The following TAFA1 variants were observed in gnomAD, a reference collection of about 807,000 sequenced individuals.
The protein encoded by TAFA1 is chemokine-like protein TAFA-1.
Under a neutral mutation model 18.5 loss-of-function variants are expected in TAFA1, and 4 were observed. The observed-to-expected ratio is 0.22, with a 90% CI of 0.11 to 0.49. TAFA1 has a LOEUF of 0.49. Ranked by LOEUF, TAFA1 falls within the 20% of genes least tolerant of loss-of-function variation. The pLI is 0.98. For synonymous variants in TAFA1, 56 were observed against 55.2 expected (o/e 1.01, Z -0.06); for missense variants, 147 against 169.0 (o/e 0.87, Z 0.72).
At chr3:68,451,735 C>G (rs1320960956) in intron 3 of TAFA1, among the ~76,000 whole-genome samples, 1 of 152,196 alleles carries the variant, frequency 6.6e-6, no homozygotes, top group South Asian at 2.1e-4. Context: ...ATGAGACTCT[C>G]TCCACATCAT....
intron 3 of TAFA1, among the ~76,000 whole-genome samples, chr3:68,418,703 T>C (rs1421378243): frequency 6.6e-6 from 1 of 152,136 alleles, no homozygotes; most frequent in African/African-American, 2.4e-5. Context: ...CTTACTGTAT[T>C]CCAGATACCA....
chr3:68,381,771 C>T (rs960638817), intron 2 of TAFA1, among the ~76,000 whole-genome samples: 1 of 151,970 alleles, frequency 6.6e-6, no homozygotes, highest in Non-Finnish European at 1.5e-5. Context: ...TTTCCTTCTG[C>T]TGCCTGATTG....
chr3:68,027,120 A>G (rs903353330), intron 2 of TAFA1, among the ~76,000 whole-genome samples: 4 of 152,116 alleles, frequency 2.6e-5, no homozygotes, highest in Admixed American at 6.5e-5. Flanking sequence ...GCATGATCCA[A>G]TCACCTCCCA....
Position 68,528,160 on chromosome 3 carries a change from A to G in TAFA1, c.260-10596A>G, listed in dbSNP as rs530778198. ...GCATACAGAGCTGGATAATAAACAC[A>G]TGGATAAATAATAGTGATAACTGCC... On this transcript the variant is annotated intron_variant, in intron 3 of 4. Coordinates refer to ENST00000478136, the MANE Select transcript of TAFA1 (RefSeq NM_213609.4). Among the ~76,000 whole-genome samples the G allele has an allele frequency of 2.0e-5, 3 of 152,334 alleles. No homozygotes were observed. In the South Asian group the frequency reaches 6.2e-4, roughly 32 times the overall value.
rs1175174572 is a variant in TAFA1 at position 68,231,344 on chromosome 3, A to ATTTTTTTT, written c.119-185916_119-185909dup. 2.8e-4 allele frequency among the ~76,000 whole-genome samples: 22 copies of ATTTTTTTT among 79,878 alleles called. 1 individual carries two copies. The highest frequency in any genetic ancestry group is 4.2e-4 in the Admixed American group (3 of 7,124). 52.4% of individuals were successfully genotyped at this position (79,878 alleles called of 152,430 possible). On this transcript the variant is annotated intron_variant, in intron 2 of 4. Coordinates refer to ENST00000478136, the MANE Select transcript of TAFA1 (RefSeq NM_213609.4). Reference sequence around the variant, plus strand: ...ATCTACCCATGCTTTAATCTATTTGATTTTTTTTTTTTTTTTTTTTTTTTT... The same window carrying ATTTTTTTT: ...ATCTACCCATGCTTTAATCTATTTGATTTTTTTTTTTTTTTTTTTTTTTTTTTTTTTTT...
intron 3 of TAFA1, among the ~76,000 whole-genome samples, chr3:68,501,029 C>T (rs930448405): frequency 1.3e-5 from 2 of 151,828 alleles, no homozygotes; most frequent in Non-Finnish European, 1.5e-5. Flanking sequence ...GTGGCAAGCG[C>T]CTATAGTCCC....
chr3:68,046,884 T>C (rs2064393069), intron 2 of TAFA1, among the ~76,000 whole-genome samples: 4 of 152,202 alleles, frequency 2.6e-5, no homozygotes, highest in Admixed American at 1.3e-4. Context: ...CTGATGATAT[T>C]AGTTTATCCT....
chr3:68,138,717 T>C lies in TAFA1; in HGVS notation c.118+131973T>C, dbSNP rs543247450. ...AAACTCCGTCTACATGAGCAGTTTA[T>C]ATAAAATAACTAGTATAAAGCACTT... On this transcript the variant is annotated intron_variant, in intron 2 of 4. Coordinates refer to ENST00000478136, the MANE Select transcript of TAFA1 (RefSeq NM_213609.4). 3.3e-5 allele frequency among the ~76,000 whole-genome samples: 5 copies of C among 152,350 alleles called. No individual in the cohort carries two copies. The East Asian group carries it at 9.6e-4, about 29-fold the overall frequency.
chr3:68,187,668 G>A (rs1039048074), intron 2 of TAFA1, among the ~76,000 whole-genome samples: 1 of 152,012 alleles, frequency 6.6e-6, no homozygotes, highest in African/African-American at 2.4e-5. Context: ...TTTCTCTTAA[G>A]CACATACCTG....
Position 68,418,225 on chromosome 3 carries a change from G to A in TAFA1, c.259+805G>A, listed in dbSNP as rs1391293161. On this transcript the variant is annotated intron_variant, in intron 3 of 4. Transcript: ENST00000478136. The stretch of plus-strand genomic sequence containing the variant: ...TTAATCACCTGGGTGCAGGTGGGCC[G>A]AGTCCCAAAAGATAGTCAGCAAAGG... 3.3e-5 allele frequency among the ~76,000 whole-genome samples: 5 copies of A among 152,192 alleles called. No individual in the cohort carries two copies. In the East Asian group the frequency reaches 7.8e-4, roughly 24 times the overall value.
At chr3:68,253,407 C>T (rs554517013) in intron 2 of TAFA1, among the ~76,000 whole-genome samples, 1 of 152,276 alleles carries the variant, frequency 6.6e-6, no homozygotes, top group East Asian at 1.9e-4. Flanking sequence ...TCTTATCCAT[C>T]TCTTAAGTAA....
intron 2 of TAFA1, among the ~76,000 whole-genome samples, chr3:68,231,032 T>A (rs977754210): frequency 6.6e-6 from 1 of 152,208 alleles, no homozygotes; most frequent in Admixed American, 6.5e-5. Flanking sequence ...TCATATTTAG[T>A]GTATTTTTAT....
At chr3:68,475,520 T>C (rs563050948) in intron 3 of TAFA1, among the ~76,000 whole-genome samples, 2 of 152,332 alleles carry the variant, frequency 1.3e-5, no homozygotes, top group South Asian at 2.1e-4. Flanking sequence ...TAGTATTCCA[T>C]GGTGTATATG....
At chr3:68,053,715 T>C (rs1004890876) in intron 2 of TAFA1, among the ~76,000 whole-genome samples, 2 of 152,248 alleles carry the variant, frequency 1.3e-5, no homozygotes, top group East Asian at 3.9e-4. Flanking sequence ...TATTTTATTA[T>C]TTTTTAGAGA....
chr3:68,492,466 C>T (rs2072470797), intron 3 of TAFA1, among the ~76,000 whole-genome samples: 1 of 152,174 alleles, frequency 6.6e-6, no homozygotes, highest in Non-Finnish European at 1.5e-5. Context: ...CTGATATTCT[C>T]CATTCCCTCA....
chr3:68,118,025 A>T (rs893490712), intron 2 of TAFA1, among the ~76,000 whole-genome samples: 3 of 152,176 alleles, frequency 2.0e-5, no homozygotes, highest in Non-Finnish European at 1.5e-5. Context: ...GTTGAAAACA[A>T]TTTTTTTCAT....
intron 2 of TAFA1, among the ~76,000 whole-genome samples, chr3:68,339,918 T>G (rs201732568): frequency 4.0e-5 from 6 of 149,132 alleles, no homozygotes; most frequent in African/African-American, 1.5e-4. Flanking sequence ...AACAATCAGC[T>G]CACAAAATGC....
intron 2 of TAFA1, among the ~76,000 whole-genome samples, chr3:68,041,074 CATTA>C (rs1366306540): frequency 3.3e-5 from 5 of 152,170 alleles, no homozygotes; most frequent in East Asian, 3.9e-4. Flanking sequence ...CAAATGTACA[CATTA>C]ATTATCTTAT....
rs992388736 is a variant in TAFA1, at chr3:68,256,715, C to G, written c.119-160565C>G. ...CAAATTTGATTCTAGGGTTATAAGA[C>G]TGGAGGGTTAATTATAATATAAATC... On this transcript the variant is annotated intron_variant, in intron 2 of 4. Transcript: ENST00000478136. Among the ~76,000 whole-genome samples the G allele has an allele frequency of 2.0e-5, 3 of 152,190 alleles. No homozygotes were observed. In the East Asian group the frequency reaches 5.8e-4, roughly 29 times the overall value.
Sources: allele counts gnomAD v4.1 joint callset (sites outside exome capture counted in the v4.1 genomes callset), GRCh38; gene constraint gnomAD v4.1.1; transcripts MANE v1.5; gene names NCBI Gene and HGNC (gene_info 2026-07-23, HGNC 2026-07-21).